EFL1: variants seen among roughly 807,000 people sequenced by gnomAD.
The protein encoded by EFL1 is elongation factor-like GTPase 1.
In EFL1, 76 loss-of-function variants were observed where a neutral mutation model predicts 126.7. That is an observed-to-expected ratio of 0.60 (90% CI 0.50 to 0.73). The LOEUF is 0.73. Among genes scored for constraint, EFL1 ranks in the 30% least tolerant of loss-of-function variants. EFL1 has a pLI of 0.00. For missense variants in EFL1, 1,128 were observed against 1,343.2 expected, an observed-to-expected ratio of 0.84 and a Z score of 2.50; for synonymous variants, 410 against 448.4, an observed-to-expected ratio of 0.91 and a Z score of 1.08.
intron 15 of EFL1, among the ~76,000 whole-genome samples, chr15:82,180,628 G>A (rs1188306507): frequency 6.6e-6 from 1 of 152,056 alleles, no homozygotes; most frequent in Non-Finnish European, 1.5e-5. Context: ...TTTATAAAAA[G>A]TAAAGTAGAA....
At chr15:82,171,318 C>A (rs1294601484) in intron 15 of EFL1, among the ~76,000 whole-genome samples, 1 of 152,100 alleles carries the variant, frequency 6.6e-6, no homozygotes, top group Non-Finnish European at 1.5e-5. Flanking sequence ...AGTGGCACAA[C>A]CTCAGGGGAT....
chr15:82,138,886 G>T, intron 18 of EFL1, 44 bp from the exon 19 acceptor site: 1 of 1,565,740 alleles, frequency 6.4e-7, no homozygotes, highest in Non-Finnish European at 8.7e-7. Context: ...CAATCATATG[G>T]CTTGAGCCAC....
At chr15:82,197,031 T>TAAA (rs201704769) in intron 15 of EFL1, among the ~76,000 whole-genome samples, 2 of 127,172 alleles carry the variant, frequency 1.6e-5, no homozygotes, top group African/African-American at 2.8e-5. Context: ...AACTCCAACT[T>TAAA]AAAAAAAAAA....
In EFL1 at chr15:82,171,963, A is replaced by G. The variant is rs75969812; in HGVS notation, c.1751-7979T>C. On this transcript the variant is annotated intron_variant, in intron 15 of 19. Coordinates refer to ENST00000268206, the MANE Select transcript of EFL1 (RefSeq NM_024580.6). Reference sequence around the variant, plus strand: ...CGAAAGGGGACAAAAAATTTTAAGTATATGTAAACAACTAGTACAGATCAA... The same window carrying G: ...CGAAAGGGGACAAAAAATTTTAAGTGTATGTAAACAACTAGTACAGATCAA... Among the ~76,000 whole-genome samples, 75 of 152,256 alleles carry G rather than the reference A, an allele frequency of 4.9e-4. No individual in the cohort carries two copies. The East Asian group carries it at 0.013, about 27-fold the overall frequency.
At chr15:82,211,685 A>G (rs1321227378) in intron 15 of EFL1, among the ~76,000 whole-genome samples, 5 of 149,022 alleles carry the variant, frequency 3.4e-5, no homozygotes, top group African/African-American at 7.5e-5. Context: ...TGCTTTTATT[A>G]AACACCCTGG....
chr15:82,192,417 AG>A (rs1311197647), intron 15 of EFL1, among the ~76,000 whole-genome samples: 1 of 151,688 alleles, frequency 6.6e-6, no homozygotes, highest in African/African-American at 2.4e-5. Flanking sequence ...AAAAAAAAAA[AG>A]AGTAAAAATA....
At chr15:82,173,915 C>T (rs1156527043) in intron 15 of EFL1, among the ~76,000 whole-genome samples, 1 of 152,016 alleles carries the variant, frequency 6.6e-6, no homozygotes, top group African/African-American at 2.4e-5. Flanking sequence ...TTGGGCCAGG[C>T]GCGGTGGCTC....
chr15:82,178,553 C>T (rs2074217813), intron 15 of EFL1, among the ~76,000 whole-genome samples: 1 of 152,210 alleles, frequency 6.6e-6, no homozygotes. Flanking sequence ...AGGTTTTACT[C>T]TTGCCTTCCA....
chr15:82,217,970 G>GA (rs1387812118), intron 14 of EFL1, among the ~76,000 whole-genome samples: 1 of 152,126 alleles, frequency 6.6e-6, no homozygotes. Flanking sequence ...CCAAAGGCCA[G>GA]AAAAAATCTG....
intron 12 of EFL1, among the ~76,000 whole-genome samples, chr15:82,221,684 T>G (rs1311369326): frequency 1.3e-5 from 2 of 152,180 alleles, no homozygotes; most frequent in Non-Finnish European, 2.9e-5. Context: ...AAACAATCCT[T>G]GAGCCTGGCT....
At chr15:82,189,254 G>A (rs983613190) in intron 15 of EFL1, among the ~76,000 whole-genome samples, 7 of 152,100 alleles carry the variant, frequency 4.6e-5, no homozygotes, top group African/African-American at 1.2e-4. Context: ...CATCATATAC[G>A]TAATCCTTCA....
At chr15:82,161,415 T>C (rs11856561) in intron 16 of EFL1, among the ~76,000 whole-genome samples, 65,642 of 152,026 alleles carry the variant, frequency 0.43, 16,305 homozygotes, top group African/African-American at 0.68. Context: ...TGAAAGCTCA[T>C]AGGAACAAGG....
Position 82,215,184 on chromosome 15 carries a change from T to A in EFL1, c.1612-329A>T, listed in dbSNP as rs74455783. Among the ~76,000 whole-genome samples, 71 of 152,336 alleles carry A rather than the reference T, an allele frequency of 4.7e-4. No homozygotes were observed. In the East Asian group the frequency reaches 0.013, roughly 29 times the overall value. On this transcript the variant is annotated intron_variant, in intron 14 of 19. Coordinates refer to ENST00000268206, the MANE Select transcript of EFL1 (RefSeq NM_024580.6). ...CTTGTTATTTATGTGAACCACATCATACACCAGTTCTGGTGACTACTGTGC... is the reference window on the plus strand; with the variant it reads ...CTTGTTATTTATGTGAACCACATCAAACACCAGTTCTGGTGACTACTGTGC...
At chr15:82,246,174 G>T (rs2074971316) in intron 4 of EFL1, among the ~76,000 whole-genome samples, 1 of 151,886 alleles carries the variant, frequency 6.6e-6, no homozygotes, top group South Asian at 2.1e-4. Flanking sequence ...CCAGTACTGT[G>T]GCCACACCCT....
intron 3 of EFL1, among the ~76,000 whole-genome samples, chr15:82,257,923 T>C (rs544880482): frequency 1.3e-5 from 2 of 152,354 alleles, no homozygotes; most frequent in East Asian, 1.9e-4. Context: ...TTTTGTACTT[T>C]CTCTAAATTC....
chr15:82,184,881 A>T (rs2074287409), intron 15 of EFL1, among the ~76,000 whole-genome samples: 1 of 152,206 alleles, frequency 6.6e-6, no homozygotes, highest in Non-Finnish European at 1.5e-5. Context: ...AGAAATGTAG[A>T]GTTTCATTAT....
chr15:82,176,019 T>C (rs879245590), intron 15 of EFL1, among the ~76,000 whole-genome samples: 29 of 152,306 alleles, frequency 1.9e-4, no homozygotes. Context: ...CTATAATTTT[T>C]GAATTAAAGA....
intron 17 of EFL1, among the ~76,000 whole-genome samples, chr15:82,155,402 C>T (rs773916930): frequency 3.9e-5 from 6 of 151,914 alleles, no homozygotes; most frequent in Non-Finnish European, 7.4e-5. Flanking sequence ...CTCAGGAGGC[C>T]GAGGCAGGAG....
At chr15:82,142,318 C>A (rs1418889893) in intron 18 of EFL1, among the ~76,000 whole-genome samples, 1 of 152,128 alleles carries the variant, frequency 6.6e-6, no homozygotes, top group Non-Finnish European at 1.5e-5. Context: ...AAACAAGACC[C>A]TGTCTCTAAA....
Sources: gnomAD v4.1 joint callset for allele counts (sites outside exome capture counted in the v4.1 genomes callset) on GRCh38, gnomAD v4.1.1 for gene constraint, MANE v1.5 for transcripts, NCBI Gene and HGNC (gene_info 2026-07-23, HGNC 2026-07-21) for gene names.